Variants in RASSF3 observed in about 807,000 individuals in gnomAD.
RASSF3 encodes Ras association domain family member 3, also known as ras association domain-containing protein 3.
A neutral mutation model predicts 19.9 loss-of-function variants in RASSF3; 19 were observed. The observed-to-expected ratio is 0.96, with a 90% CI of 0.67 to 1.40. The LOEUF (loss-of-function observed/expected upper bound fraction) is 1.40. Among genes scored for constraint, RASSF3 ranks in the 40% most tolerant of loss-of-function variants. The pLI is 0.00. For missense variants in RASSF3, 306 were observed against 289.8 expected (o/e 1.06, Z -0.41); for synonymous variants, 110 against 104.2 (o/e 1.06, Z -0.34).
intron 1 of RASSF3, among the ~76,000 whole-genome samples, chr12:64,615,492 C>T (rs532604534): frequency 3.9e-5 from 6 of 152,126 alleles, no homozygotes; most frequent in East Asian, 1.9e-4. Flanking sequence ...TTCACCCTTT[C>T]GGTTTTCTCT....
intron 1 of RASSF3, among the ~76,000 whole-genome samples, chr12:64,540,006 C>T (rs1037460613): frequency 3.9e-5 from 6 of 152,108 alleles, no homozygotes; most frequent in African/African-American, 7.2e-5. Flanking sequence ...CTTTTTATCT[C>T]GATGGCTTAC....
intron 2 of RASSF3, among the ~76,000 whole-genome samples, chr12:64,577,209 T>C (rs1480459362): frequency 6.6e-6 from 1 of 152,050 alleles, no homozygotes; most frequent in African/African-American, 2.4e-5. Flanking sequence ...CCCATAAGGG[T>C]TGTGATGGCA....
At chr12:64,599,243 G>A (rs1476372952) in intron 2 of RASSF3, 1 of 152,082 alleles carries the variant, frequency 6.6e-6, no homozygotes, top group Non-Finnish European at 1.5e-5. Context: ...CACTATGGAT[G>A]GGTCATAATC....
chr12:64,514,023 G>C (rs1446843609), intron 1 of RASSF3, among the ~76,000 whole-genome samples: 2 of 150,624 alleles, frequency 1.3e-5, no homozygotes, highest in Non-Finnish European at 3.0e-5. Flanking sequence ...GGGATTTCAG[G>C]AGCACGCCAC....
chr12:64,535,478 C>T (rs113168574), intron 1 of RASSF3, among the ~76,000 whole-genome samples: 11,181 of 152,132 alleles, frequency 0.073, 525 homozygotes, highest in South Asian at 0.12. Context: ...GATCCTCCCA[C>T]CTCAGCCTCC....
At chr12:64,651,488 T>G (rs1358728740) in intron 1 of RASSF3, among the ~76,000 whole-genome samples, 1 of 152,068 alleles carries the variant, frequency 6.6e-6, no homozygotes, top group Non-Finnish European at 1.5e-5. Context: ...GCCTCCCATG[T>G]AGCTGGGATT....
chr12:64,579,021 G>A (rs1387312412), intron 2 of RASSF3, among the ~76,000 whole-genome samples: 1 of 152,054 alleles, frequency 6.6e-6, no homozygotes, highest in African/African-American at 2.4e-5. Context: ...CAGCTACTTG[G>A]GAGGCTGAGG....
chr12:64,553,300 C>G (rs1004297771), intron 2 of RASSF3, among the ~76,000 whole-genome samples: 1 of 152,104 alleles, frequency 6.6e-6, no homozygotes, highest in East Asian at 1.9e-4. Flanking sequence ...AGGAAGCAAA[C>G]AGCTATATGT....
intron 2 of RASSF3, among the ~76,000 whole-genome samples, chr12:64,562,097 G>A (rs1869358329): frequency 6.6e-6 from 1 of 151,956 alleles, no homozygotes; most frequent in African/African-American, 2.4e-5. Context: ...CTGGAATGCA[G>A]TGGTGCGATC....
At chr12:64,656,335 G>A (rs1218934531) in intron 1 of RASSF3, among the ~76,000 whole-genome samples, 1 of 152,090 alleles carries the variant, frequency 6.6e-6, no homozygotes, top group Non-Finnish European at 1.5e-5. Context: ...TAGTGGGCCT[G>A]GGGTTTCTTT....
chr12:64,631,808 C>T (rs1283048907), intron 1 of RASSF3, among the ~76,000 whole-genome samples: 1 of 152,072 alleles, frequency 6.6e-6, no homozygotes, highest in Non-Finnish European at 1.5e-5. Flanking sequence ...CTCCTGACCT[C>T]AGGTTATCCG....
chr12:64,596,806 C>T (rs527723616), intron 2 of RASSF3, among the ~76,000 whole-genome samples: 2 of 151,752 alleles, frequency 1.3e-5, no homozygotes, highest in African/African-American at 2.4e-5. Flanking sequence ...CTCAGCTCAC[C>T]GCAACCTCCA....
chr12:64,523,830 C>A (rs932632131), intron 1 of RASSF3, among the ~76,000 whole-genome samples: 6 of 151,632 alleles, frequency 4.0e-5, no homozygotes, highest in Admixed American at 2.0e-4. Context: ...ACCTCAGCTT[C>A]CCGAGTAGCT....
At chr12:64,569,022 T>A (rs1869476901) in intron 2 of RASSF3, among the ~76,000 whole-genome samples, 1 of 152,222 alleles carries the variant, frequency 6.6e-6, no homozygotes, top group Non-Finnish European at 1.5e-5. Flanking sequence ...GAGTTCACTT[T>A]TAATTGCCAT....
chr12:64,576,214 A>G lies in RASSF3; in HGVS notation c.294+34509A>G, dbSNP rs995281010. Among the ~76,000 whole-genome samples, 3 of 152,304 alleles carry G rather than the reference A, an allele frequency of 2.0e-5. No homozygotes were observed. In the East Asian group the frequency reaches 5.8e-4, roughly 29 times the overall value. On this transcript the variant is annotated intron_variant, in intron 2 of 5. Transcript: ENST00000637125. ...GGCTCAAAAATAAACAAACCAAAGG[A>G]ACAGAACTGAGGGCCTAGAAACAGA... is the stretch of plus-strand genomic sequence containing the variant.
chr12:64,654,171 TTGAGACA>T (rs1872064039), intron 1 of RASSF3: 1 of 152,106 alleles, frequency 6.6e-6, no homozygotes, highest in Non-Finnish European at 1.5e-5. Flanking sequence ...TTTTATTTTT[TTGAGACA>T]GAGTCTTGCT....
chr12:64,603,062 G>GCACTT (rs1870123589), intron 2 of RASSF3, among the ~76,000 whole-genome samples: 1 of 152,052 alleles, frequency 6.6e-6, no homozygotes, highest in Admixed American at 6.6e-5. Context: ...TCGTACTGCT[G>GCACTT]CACTTCAGTC....
At chr12:64,630,540 AT>A (rs1347133066) in intron 1 of RASSF3, among the ~76,000 whole-genome samples, 1 of 152,160 alleles carries the variant, frequency 6.6e-6, no homozygotes. Context: ...ACAAAACGAA[AT>A]TTAAAAAAAG....
intron 2 of RASSF3, among the ~76,000 whole-genome samples, chr12:64,554,004 A>G (rs1370752312): frequency 6.6e-6 from 1 of 151,942 alleles, no homozygotes; most frequent in East Asian, 1.9e-4. Flanking sequence ...GAAAGAAAAA[A>G]AAAAGTTGTC....
Sources: gnomAD v4.1 joint callset for allele counts (sites outside exome capture counted in the v4.1 genomes callset) on GRCh38, gnomAD v4.1.1 for gene constraint, MANE v1.5 for transcripts, NCBI Gene and HGNC (gene_info 2026-07-23, HGNC 2026-07-21) for gene names.